Variants in ASTN2 observed in about 807,000 individuals in gnomAD.
The protein encoded by ASTN2 is astrotactin-2.
Under a neutral mutation model 139.8 loss-of-function variants are expected in ASTN2, and 54 were observed. That is an observed-to-expected ratio of 0.39 (90% CI 0.31 to 0.48). The LOEUF is 0.48. Ranked by LOEUF, ASTN2 falls within the 20% of genes least tolerant of loss-of-function variation. ASTN2 has a pLI of 0.95. For missense variants in ASTN2, 1,565 were observed against 1,725.1 expected, an observed-to-expected ratio of 0.91 and a Z score of 1.64; for synonymous variants, 756 against 719.5, an observed-to-expected ratio of 1.05 and a Z score of -0.81.
intron 16 of ASTN2, among the ~76,000 whole-genome samples, chr9:116,672,106 A>G (rs1345125111): frequency 6.6e-6 from 1 of 152,138 alleles, no homozygotes; most frequent in Non-Finnish European, 1.5e-5. Flanking sequence ...GGGCACAGTG[A>G]CTCATACCTG....
chr9:116,725,994 C>T, intron 15 of ASTN2, 44 bp from the exon 16 acceptor site: 1 of 1,560,092 alleles, frequency 6.4e-7, no homozygotes, highest in Non-Finnish European at 8.7e-7. Flanking sequence ...ATGTGAGAGG[C>T]TGGCGGCTAG....
In ASTN2 at chr9:116,594,051, C is replaced by T. The variant is rs559415643; in HGVS notation, c.3355+24273G>A. ...TCCTGCCCCAAGGCCTTCAATGATG[C>T]CGTGGGACCTCTCTCAGCTCATATG... On this transcript the variant is annotated intron_variant, in intron 19 of 22. Transcript: ENST00000313400. Among the ~76,000 whole-genome samples the T allele has an allele frequency of 5.9e-5, 9 of 152,188 alleles. No individual in the cohort carries two copies. In the South Asian group the frequency reaches 1.7e-3, roughly 28 times the overall value.
chr9:116,626,592 C>T (rs1191412676), intron 17 of ASTN2, among the ~76,000 whole-genome samples: 2 of 151,698 alleles, frequency 1.3e-5, no homozygotes, highest in African/African-American at 2.4e-5. Context: ...AGGTAGAGTC[C>T]CTTTTGGAGA....
intron 1 of ASTN2, among the ~76,000 whole-genome samples, chr9:117,369,236 A>G: frequency 6.6e-6 from 1 of 152,122 alleles, no homozygotes; most frequent in East Asian, 1.9e-4. Flanking sequence ...TTGGGAAATA[A>G]GCCTCCATGT....
At position 116,863,592 on chromosome 9, in the gene ASTN2, C is replaced by G. The variant is rs201692152; in HGVS notation, c.2031G>C (p.Ser677=). ...KCVSDRQVDS[S]GCVCPEELKP... ...GCCAATGGGCACTTACCACACATCC[C>G]GAGGAATCCACCTGCCGGTCAGACA... The change falls in exon 11 of 23, where the codon TCG becomes TCC. Residue 677 remains serine, a synonymous_variant. Transcript: ENST00000313400. The G allele has an allele frequency of 5.0e-6, 8 of 1,614,048 alleles. No homozygotes were observed. The highest frequency in any genetic ancestry group is 6.8e-6 in the Non-Finnish European group (8 of 1,179,938).
chr9:116,934,231 C>T (rs745354419), intron 10 of ASTN2, among the ~76,000 whole-genome samples: 76 of 152,078 alleles, frequency 5.0e-4, no homozygotes, highest in Middle Eastern at 6.8e-3. Context: ...CAAAGAAGCC[C>T]GATTTCTTTT....
chr9:116,988,787 A>G (rs1446204649), intron 7 of ASTN2, among the ~76,000 whole-genome samples: 1 of 152,132 alleles, frequency 6.6e-6, no homozygotes, highest in Non-Finnish European at 1.5e-5. Context: ...ATAGGAGCTT[A>G]AAGGAATGTA....
At chr9:116,763,740 G>C (rs1372195773) in intron 13 of ASTN2, among the ~76,000 whole-genome samples, 1 of 152,218 alleles carries the variant, frequency 6.6e-6, no homozygotes, top group African/African-American at 2.4e-5. Flanking sequence ...GGGTTACAGA[G>C]AGGACTGAAT....
Position 116,705,464 on chromosome 9 carries a change from T to C in ASTN2, c.2806+20307A>G, listed in dbSNP as rs191174119. 1.4e-4 allele frequency among the ~76,000 whole-genome samples: 22 copies of C among 152,312 alleles called. No individual in the cohort carries two copies. In the East Asian group the frequency reaches 4.2e-3, roughly 29 times the overall value. Reference sequence around the variant, plus strand: ...TGTGAATGTATATAAGTCAAATGCATGTTTTCCCTATACAGATAAAACCAG... The same window carrying C: ...TGTGAATGTATATAAGTCAAATGCACGTTTTCCCTATACAGATAAAACCAG... On this transcript the variant is annotated intron_variant, in intron 16 of 22. Transcript: ENST00000313400.
In ASTN2 at chr9:116,715,915, T is replaced by TGGTAGG. The variant is rs1828300726; in HGVS notation, c.2806+9850_2806+9855dup. ...TCTGTGAGCAAGGCTCCTCTCAGGT[T>TGGTAGG]GGTAGGTTAGACCTGCTGATAATGA... On this transcript the variant is annotated intron_variant, in intron 16 of 22. Transcript: ENST00000313400. 2.6e-5 allele frequency among the ~76,000 whole-genome samples: 4 copies of TGGTAGG among 152,288 alleles called. No homozygotes were observed. The South Asian group carries it at 8.3e-4, about 32-fold the overall frequency.
chr9:116,854,399 C>T (rs1437942379), intron 11 of ASTN2, among the ~76,000 whole-genome samples: 1 of 152,136 alleles, frequency 6.6e-6, no homozygotes, highest in Non-Finnish European at 1.5e-5. Context: ...CAACAGGAAC[C>T]CAAGGCTAAG....
chr9:117,129,014 C>T (rs1235997937), intron 4 of ASTN2, among the ~76,000 whole-genome samples: 1 of 152,186 alleles, frequency 6.6e-6, no homozygotes, highest in Non-Finnish European at 1.5e-5. Context: ...ATGTGGAAAT[C>T]ACGGGAGTAC....
At chr9:116,739,024 A>ACG (rs932691417) in intron 13 of ASTN2, among the ~76,000 whole-genome samples, 2 of 151,994 alleles carry the variant, frequency 1.3e-5, no homozygotes, top group Non-Finnish European at 2.9e-5. Context: ...ACACACACAC[A>ACG]CACACACACA....
intron 20 of ASTN2, among the ~76,000 whole-genome samples, chr9:116,448,769 T>C (rs1297215826): frequency 1.3e-5 from 2 of 152,170 alleles, no homozygotes; most frequent in Non-Finnish European, 2.9e-5. Flanking sequence ...ATAGTTTAGG[T>C]TTCTTGTGAA....
chr9:117,131,956 T>C (rs180716324), intron 4 of ASTN2, among the ~76,000 whole-genome samples: 21 of 152,290 alleles, frequency 1.4e-4, no homozygotes, highest in African/African-American at 4.1e-4. Flanking sequence ...TTATGGATTT[T>C]GGCTTTTTTA....
chr9:117,234,863 TGTTTAAAG>T (rs1267269791), intron 2 of ASTN2, among the ~76,000 whole-genome samples: 2 of 152,172 alleles, frequency 1.3e-5, no homozygotes, highest in Non-Finnish European at 2.9e-5. Flanking sequence ...GACAGAAAGC[TGTTTAAAG>T]GTGATCCATA....
At chr9:116,486,743 A>C (rs1360838239) in intron 20 of ASTN2, among the ~76,000 whole-genome samples, 1 of 152,134 alleles carries the variant, frequency 6.6e-6, no homozygotes, top group Non-Finnish European at 1.5e-5. Flanking sequence ...GTAACAAATG[A>C]GCTCCTTTTC....
At chr9:116,803,315 CT>C (rs61653195) in intron 13 of ASTN2, among the ~76,000 whole-genome samples, 83 of 137,818 alleles carry the variant, frequency 6.0e-4, no homozygotes, top group Non-Finnish European at 6.7e-4. Flanking sequence ...GATTTTTGTT[CT>C]TTTTTTTTTT....
At chr9:117,406,305 G>T (rs967129318) in intron 1 of ASTN2, among the ~76,000 whole-genome samples, 2 of 152,164 alleles carry the variant, frequency 1.3e-5, no homozygotes, top group Admixed American at 6.5e-5. Context: ...ACCCATCGTT[G>T]GTCCTGTACA....
Sources: allele counts gnomAD v4.1 joint callset (sites outside exome capture counted in the v4.1 genomes callset), GRCh38; gene constraint gnomAD v4.1.1; transcripts MANE v1.5; gene names NCBI Gene and HGNC (gene_info 2026-07-23, HGNC 2026-07-21).